The following ZZZ3 variants were observed in gnomAD, a reference collection of about 807,000 sequenced individuals.
ZZZ3 encodes the protein zinc finger ZZ-type containing 3.
ZZZ3 carries 22 observed loss-of-function variants against 95.2 expected under a neutral mutation model. That is an observed-to-expected ratio of 0.23 (90% CI 0.17 to 0.33). The LOEUF (loss-of-function observed/expected upper bound fraction) is 0.33, where lower values mean the gene tolerates loss of function less well. ZZZ3 is among the 10% of genes least tolerant of loss of function. ZZZ3 has a pLI of 1.00. For missense variants in ZZZ3, 885 were observed against 1,066.5 expected, an observed-to-expected ratio of 0.83 and a Z score of 2.37; for synonymous variants, 335 against 358.9, an observed-to-expected ratio of 0.93 and a Z score of 0.75.
intron 1 of ZZZ3, among the ~76,000 whole-genome samples, chr1:77,681,704 CAACATGGTGA>C (rs1362226077): frequency 6.6e-6 from 1 of 151,958 alleles, no homozygotes; most frequent in Non-Finnish European, 1.5e-5. Flanking sequence ...CCAGCCTGGC[CAACATGGTGA>C]AACCCCGTCT....
At chr1:77,585,500 A>G (rs1380571695) in intron 5 of ZZZ3, among the ~76,000 whole-genome samples, 2 of 152,188 alleles carry the variant, frequency 1.3e-5, no homozygotes, top group African/African-American at 4.8e-5. Flanking sequence ...GCTCAAATAC[A>G]TTTTGCAAAA....
chr1:77,633,881 A>C (rs1668050881), intron 4 of ZZZ3, among the ~76,000 whole-genome samples: 1 of 152,180 alleles, frequency 6.6e-6, no homozygotes, highest in Admixed American at 6.5e-5. Flanking sequence ...CATTAAAATA[A>C]TAATCTTCGG....
intron 1 of ZZZ3, chr1:77,677,042 T>C (rs1220884449): frequency 1.3e-5 from 2 of 152,098 alleles, no homozygotes; most frequent in Non-Finnish European, 2.9e-5. Context: ...AGAACAAAAT[T>C]ATATCAAGAT....
chr1:77,636,386 C>A (rs1570572340), intron 4 of ZZZ3, among the ~76,000 whole-genome samples: 1 of 152,052 alleles, frequency 6.6e-6, no homozygotes, highest in Non-Finnish European at 1.5e-5. Flanking sequence ...GTACTAAAAA[C>A]CTTTTTTTTA....
rs528403268 is a variant in ZZZ3, at chr1:77,644,013, C to T, written c.-402-2358G>A. Among the ~76,000 whole-genome samples the T allele has an allele frequency of 5.9e-5, 9 of 151,574 alleles. No homozygotes were observed. In the South Asian group the frequency reaches 1.9e-3, roughly 32 times the overall value. ...GATTTTATAAGAAAGAGACATTCAA[C>T]GTCAGTTGTAAAAAGCATAAAGATA... On this transcript the variant is annotated intron_variant, in intron 1 of 14. Coordinates refer to ENST00000370801, the MANE Select transcript of ZZZ3 (RefSeq NM_015534.6).
intron 1 of ZZZ3, among the ~76,000 whole-genome samples, chr1:77,670,275 G>A (rs902381155): frequency 1.3e-5 from 2 of 150,724 alleles, no homozygotes; most frequent in Admixed American, 1.3e-4. Context: ...TTTTTTTTGG[G>A]GGGGGGCAGA....
chr1:77,638,113 T>C (rs1214614684), intron 4 of ZZZ3, among the ~76,000 whole-genome samples: 1 of 151,846 alleles, frequency 6.6e-6, no homozygotes, highest in African/African-American at 2.4e-5. Context: ...GAAAAAAGAG[T>C]GTGGTCAGTA....
In ZZZ3 at chr1:77,581,847, C is replaced by T. The variant is rs1462237314; in HGVS notation, c.1837G>A (p.Asp613Asn). Residue 613 changes from aspartate to asparagine, a missense_variant, in exon 8 of 15, where the codon GAT becomes AAT. Coordinates refer to ENST00000370801, the MANE Select transcript of ZZZ3 (RefSeq NM_015534.6). ...RPKSPLDPKK[D>N]GESLSYSMLP... is the part of the protein sequence containing the mutation. The stretch of plus-strand genomic sequence containing the variant: ...ATAGAATATGAAAGGGACTCTCCAT[C>T]CTTCTTAGGATCTAAAGGACTTTTT... 1 of 1,614,068 alleles carries T rather than the reference C, an allele frequency of 6.2e-7. No individual in the cohort carries two copies. The highest frequency in any genetic ancestry group is 1.1e-5 in the South Asian group (1 of 91,078).
At chr1:77,574,091 G>GATATATATATATCTATAGATATAGAT (rs1661675945) in intron 12 of ZZZ3, among the ~76,000 whole-genome samples, 1 of 147,334 alleles carries the variant, frequency 6.8e-6, no homozygotes, top group African/African-American at 2.5e-5. Flanking sequence ...TCTGTAGTGG[G>GATATATATATATCTATAGATATAGAT]ATATATATAT....
intron 8 of ZZZ3, among the ~76,000 whole-genome samples, chr1:77,581,332 G>A (rs1662500336): frequency 1.3e-5 from 2 of 152,108 alleles, no homozygotes; most frequent in Non-Finnish European, 2.9e-5. Flanking sequence ...GAAAGGAAAT[G>A]TGGGCTCAGA....
chr1:77,649,080 T>C (rs554487617), intron 1 of ZZZ3, among the ~76,000 whole-genome samples: 23 of 152,192 alleles, frequency 1.5e-4, no homozygotes, highest in South Asian at 8.3e-4. Flanking sequence ...TGAGCCGAGA[T>C]TGCACCACTT....
At chr1:77,638,596 T>C (rs1403889425) in intron 4 of ZZZ3, among the ~76,000 whole-genome samples, 4 of 152,232 alleles carry the variant, frequency 2.6e-5, no homozygotes, top group Non-Finnish European at 4.4e-5. Context: ...ACAGTTTATT[T>C]TGGGAATTGA....
chr1:77,569,903 C>T (rs1299272202), intron 12 of ZZZ3, among the ~76,000 whole-genome samples: 2 of 152,112 alleles, frequency 1.3e-5, no homozygotes, highest in East Asian at 1.9e-4. Context: ...TGACTGATCC[C>T]GTGCTCACTT....
At chr1:77,636,897 A>T (rs1300736763) in intron 4 of ZZZ3, among the ~76,000 whole-genome samples, 2 of 152,240 alleles carry the variant, frequency 1.3e-5, no homozygotes, top group Non-Finnish European at 2.9e-5. Flanking sequence ...TTCACTCAAT[A>T]ACTAGAACAA....
intron 1 of ZZZ3, among the ~76,000 whole-genome samples, chr1:77,652,676 T>A (rs895878271): frequency 2.0e-5 from 3 of 152,178 alleles, no homozygotes; most frequent in African/African-American, 7.2e-5. Flanking sequence ...TCATAATAGT[T>A]ATAAAGTGGA....
intron 1 of ZZZ3, among the ~76,000 whole-genome samples, chr1:77,656,586 A>T (rs1219376667): frequency 6.6e-6 from 1 of 152,244 alleles, no homozygotes; most frequent in African/African-American, 2.4e-5. Context: ...ATCAAAGTCA[A>T]GGTCTGAATA....
intron 12 of ZZZ3, among the ~76,000 whole-genome samples, 164 bp from the exon 13 acceptor site, chr1:77,568,630 A>G (rs1316390263): frequency 6.9e-6 from 1 of 145,620 alleles, no homozygotes; most frequent in Admixed American, 7.5e-5. Flanking sequence ...TTTTCCACTA[A>G]TGCTTTTGGA....
chr1:77,681,196 G>A (rs190835944), intron 1 of ZZZ3, among the ~76,000 whole-genome samples: 22 of 152,170 alleles, frequency 1.4e-4, no homozygotes, highest in Non-Finnish European at 3.1e-4. Flanking sequence ...ATGATACACA[G>A]CAACCACAAA....
intron 5 of ZZZ3, among the ~76,000 whole-genome samples, chr1:77,600,379 T>C (rs1664616817): frequency 6.6e-6 from 1 of 152,182 alleles, no homozygotes; most frequent in African/African-American, 2.4e-5. Context: ...GGTACGGTAC[T>C]AAGCACTGGA....
Sources: allele counts gnomAD v4.1 joint callset (sites outside exome capture counted in the v4.1 genomes callset), GRCh38; gene constraint gnomAD v4.1.1; transcripts MANE v1.5; gene names NCBI Gene and HGNC (gene_info 2026-07-23, HGNC 2026-07-21).